The following KSR2 variants were observed in gnomAD, a reference collection of about 807,000 sequenced individuals.
The protein encoded by KSR2 is kinase suppressor of ras 2.
Under a neutral mutation model 107.8 loss-of-function variants are expected in KSR2, and 25 were observed. The ratio of observed to expected loss-of-function variants is 0.23; its 90% CI spans 0.17 to 0.32. The LOEUF (loss-of-function observed/expected upper bound fraction) is 0.32. KSR2 is among the 10% of genes least tolerant of loss of function. KSR2 has a pLI of 1.00. For synonymous variants in KSR2, 480 were observed against 507.0 expected, an observed-to-expected ratio of 0.95 and a Z score of 0.71; for missense variants, 887 against 1,268.9, an observed-to-expected ratio of 0.70 and a Z score of 4.57.
chr12:117,960,997 C>A (rs1896644548), intron 1 of KSR2, among the ~76,000 whole-genome samples: 1 of 151,980 alleles, frequency 6.6e-6, no homozygotes, highest in Non-Finnish European at 1.5e-5. Flanking sequence ...TGGGGCTTCA[C>A]CACATTGTCC....
At chr12:117,591,488 T>C (rs535841896) in intron 5 of KSR2, among the ~76,000 whole-genome samples, 2 of 151,956 alleles carry the variant, frequency 1.3e-5, no homozygotes, top group South Asian at 4.2e-4. Flanking sequence ...ACGGATGAGA[T>C]AGAGATAGGA....
Position 117,907,563 on chromosome 12 carries a change from T to C in KSR2, c.181-47132A>G, listed in dbSNP as rs1894895423. Among the ~76,000 whole-genome samples the C allele has an allele frequency of 6.6e-6, 1 of 152,104 alleles. No homozygotes were observed. The highest frequency in any genetic ancestry group is 2.4e-5 in the African/African-American group (1 of 41,386). On this transcript the variant is annotated intron_variant, in intron 1 of 19. Coordinates refer to ENST00000339824, the MANE Select transcript of KSR2 (RefSeq NM_173598.6). The surrounding 1 kb of genome is among the most constrained non-coding windows in gnomAD (Gnocchi z 4.3). ...AACTGCTCTCCTGCCCTGACCTGTTTAGAGATTAAGAGAGCACAGAACACA... is the reference window on the plus strand; with the variant it reads ...AACTGCTCTCCTGCCCTGACCTGTTCAGAGATTAAGAGAGCACAGAACACA...
chr12:117,851,142 G>A (rs916515682), intron 3 of KSR2, among the ~76,000 whole-genome samples: 5 of 152,210 alleles, frequency 3.3e-5, no homozygotes. Flanking sequence ...GGAGCACTTG[G>A]TCATTGCTTT....
chr12:117,635,894 C>T (rs967268519), intron 5 of KSR2, among the ~76,000 whole-genome samples: 9 of 151,910 alleles, frequency 5.9e-5, no homozygotes, highest in Admixed American at 1.3e-4. Context: ...CAGGTTCAAG[C>T]GATTCTCCCA....
intron 4 of KSR2, among the ~76,000 whole-genome samples, chr12:117,739,812 G>A (rs1464052236): frequency 6.6e-6 from 1 of 152,074 alleles, no homozygotes; most frequent in Non-Finnish European, 1.5e-5. Flanking sequence ...CCCAATCTCA[G>A]CCAAGGCACA....
intron 1 of KSR2, among the ~76,000 whole-genome samples, chr12:117,864,651 G>A (rs773875525): frequency 1.3e-5 from 2 of 152,158 alleles, no homozygotes; most frequent in Admixed American, 6.6e-5. Flanking sequence ...TGCTCCCCCT[G>A]AAGGCACTGC....
chr12:117,477,023 GT>G (rs1358513979), intron 16 of KSR2, among the ~76,000 whole-genome samples: 1 of 152,172 alleles, frequency 6.6e-6, no homozygotes, highest in African/African-American at 2.4e-5. Context: ...AACAGATTCT[GT>G]TTTATTTTAC....
intron 15 of KSR2, among the ~76,000 whole-genome samples, chr12:117,484,843 G>A (rs1872370549): frequency 6.6e-6 from 1 of 152,146 alleles, no homozygotes; most frequent in East Asian, 1.9e-4. Context: ...GATCCCCAGG[G>A]AAAGGAATTC....
intron 4 of KSR2, among the ~76,000 whole-genome samples, chr12:117,731,825 G>A (rs1887726998): frequency 2.0e-5 from 3 of 149,162 alleles, no homozygotes; most frequent in Admixed American, 6.9e-5. Context: ...TTAAACAGAT[G>A]CTTGAAGGCA....
chr12:117,731,321 C>CAT (rs1565984108), intron 4 of KSR2, among the ~76,000 whole-genome samples: 227 of 149,784 alleles, frequency 1.5e-3, no homozygotes, highest in Middle Eastern at 3.5e-3. Context: ...GCAGCCGCCC[C>CAT]GTCTGAGAAG....
At chr12:117,576,044 C>T (rs1183106071) in intron 7 of KSR2, among the ~76,000 whole-genome samples, 2 of 152,166 alleles carry the variant, frequency 1.3e-5, no homozygotes, top group Non-Finnish European at 2.9e-5. Flanking sequence ...CTATCCTTCC[C>T]ACAACCTCCT....
At position 117,577,370 on chromosome 12, in the gene KSR2, G is replaced by A. The variant is rs992962408; in HGVS notation, c.1325+1749C>T. Among the ~76,000 whole-genome samples, 23 of 152,146 alleles carry A rather than the reference G, an allele frequency of 1.5e-4. No individual in the cohort carries two copies. In the East Asian group the frequency reaches 3.1e-3, roughly 20 times the overall value. ...TTTACAGAAGGAGAGAGAGAGAGGGGGGGAGAGATTGAGGCCAGATAGCAA... is the reference window on the plus strand; with the variant it reads ...TTTACAGAAGGAGAGAGAGAGAGGGAGGGAGAGATTGAGGCCAGATAGCAA... On this transcript the variant is annotated intron_variant, in intron 7 of 19. Transcript: ENST00000339824.
At chr12:117,530,319 A>T (rs1875523263) in intron 12 of KSR2, among the ~76,000 whole-genome samples, 1 of 152,188 alleles carries the variant, frequency 6.6e-6, no homozygotes, top group African/African-American at 2.4e-5. Context: ...TTCTTTCTGC[A>T]AAGGGTCATA....
At position 117,467,044 on chromosome 12, in the gene KSR2, G is replaced by T; in HGVS notation, c.*155C>A. The T allele has an allele frequency of 2.0e-6, 1 of 493,682 alleles. No homozygotes were observed. The allele number at this position is 493,682 out of a possible 1,614,324, so 30.6% of individuals were successfully genotyped here. ...AAAAGGGCTCAAGTCTGAGGTGCAG[G>T]GAGGCCGCCGAGCAGTTGTCCAGTG... is the stretch of plus-strand genomic sequence containing the variant. On this transcript the variant is annotated 3_prime_UTR_variant, in exon 20 of 20. Transcript: ENST00000339824.
At chr12:117,660,323 C>T (rs1884378163) in intron 5 of KSR2, among the ~76,000 whole-genome samples, 2 of 152,158 alleles carry the variant, frequency 1.3e-5, no homozygotes, top group Non-Finnish European at 2.9e-5. Context: ...TAAGGAGGTT[C>T]TTGATTTTCA....
intron 16 of KSR2, among the ~76,000 whole-genome samples, chr12:117,480,606 G>T (rs1489347033): frequency 1.3e-5 from 2 of 152,194 alleles, no homozygotes; most frequent in Middle Eastern, 3.4e-3. Flanking sequence ...GGTGGCGGGG[G>T]GGTCTCTCCC....
At chr12:117,467,831 T>TG (rs1871231151) in intron 19 of KSR2, 1 of 385,016 alleles carries the variant, frequency 2.6e-6, no homozygotes, top group Admixed American at 3.0e-5. Flanking sequence ...ATAGGCTGAA[T>TG]AAAAAAAAAA....
At chr12:117,683,496 AAAC>A (rs1885452038) in intron 4 of KSR2, among the ~76,000 whole-genome samples, 1 of 152,254 alleles carries the variant, frequency 6.6e-6, no homozygotes, top group Admixed American at 6.5e-5. Context: ...CCTAGAAATT[AAAC>A]ACATATCCTA....
At position 117,540,638 on chromosome 12, in the gene KSR2, C is replaced by T. The variant is rs373909015; in HGVS notation, c.1519-751G>A. On this transcript the variant is annotated intron_variant, in intron 9 of 19. Transcript: ENST00000339824. ...ACAAATATCCAAATCATCCTGGATT[C>T]GGGTGAGTCCTAAATCCAATGACAG... is the stretch of plus-strand genomic sequence containing the variant. 5.3e-5 allele frequency among the ~76,000 whole-genome samples: 8 copies of T among 152,188 alleles called. 1 individual carries two copies. The highest frequency in any genetic ancestry group is 1.9e-4 in the East Asian group (1 of 5,194).
Sources: allele counts gnomAD v4.1 joint callset (sites outside exome capture counted in the v4.1 genomes callset), GRCh38; gene constraint gnomAD v4.1.1; non-coding constraint Gnocchi (gnomAD v3.1); transcripts MANE v1.5; gene names NCBI Gene and HGNC (gene_info 2026-07-23, HGNC 2026-07-21).